The following NRXN1 variants were observed in gnomAD, a reference collection of about 807,000 sequenced individuals.
The protein encoded by NRXN1 is neurexin 1.
NRXN1 carries 39 observed loss-of-function variants against 150.9 expected under a neutral mutation model. The observed-to-expected ratio is 0.26, with a 90% CI of 0.20 to 0.34. NRXN1 has a LOEUF of 0.34. Ranked by LOEUF, NRXN1 falls within the 10% of genes least tolerant of loss-of-function variation. The pLI, the probability that NRXN1 is intolerant of heterozygous loss-of-function variation, is 1.00. For synonymous variants in NRXN1, 924 were observed against 757.0 expected, an observed-to-expected ratio of 1.22 and a Z score of -3.62; for missense variants, 1,815 against 1,949.9, an observed-to-expected ratio of 0.93 and a Z score of 1.30.
intron 2 of NRXN1, among the ~76,000 whole-genome samples, chr2:50,961,727 C>T (rs1693226163): frequency 6.6e-6 from 1 of 151,762 alleles, no homozygotes; most frequent in Non-Finnish European, 1.5e-5. Flanking sequence ...CTCTCTGCTT[C>T]TGGCCCAAAA....
intron 2 of NRXN1, among the ~76,000 whole-genome samples, chr2:50,983,493 T>C (rs774570697): frequency 3.9e-5 from 6 of 152,104 alleles, no homozygotes; most frequent in Non-Finnish European, 8.8e-5. Context: ...CTTTTCTTAC[T>C]ATAAAAGAAC....
At chr2:50,811,929 A>C (rs1668267845) in intron 5 of NRXN1, among the ~76,000 whole-genome samples, 1 of 152,170 alleles carries the variant, frequency 6.6e-6, no homozygotes, top group South Asian at 2.1e-4. Flanking sequence ...AGATTTTGGT[A>C]CAATATTTAA....
At chr2:50,573,717 C>T (rs1670994516) in intron 8 of NRXN1, among the ~76,000 whole-genome samples, 1 of 149,900 alleles carries the variant, frequency 6.7e-6, no homozygotes, top group South Asian at 2.1e-4. Flanking sequence ...ATAGATTCTG[C>T]CAACAGCGGA....
In NRXN1 at chr2:50,963,866, A is replaced by G. The variant is rs144944746; in HGVS notation, c.773-37911T>C. Reference sequence around the variant, plus strand: ...TGCTTCTTTCAATTTAGCATACACAATGTTCTGAAAATAGCCAACTCAATA... The same window carrying G: ...TGCTTCTTTCAATTTAGCATACACAGTGTTCTGAAAATAGCCAACTCAATA... On this transcript the variant is annotated intron_variant, in intron 2 of 22. Transcript: ENST00000401669. 60 of 325,120 alleles carry G rather than the reference A, an allele frequency of 1.8e-4. 1 individual carries two copies. Among genetic ancestry groups the G allele is most frequent in the African/African-American group, 1.2e-3 (56 of 46,452 alleles). 20.1% of individuals were successfully genotyped at this position (325,120 alleles called of 1,614,324 possible). A position where few individuals can be genotyped will look rare whatever the true frequency, so the allele number is the denominator to read the frequency against.
chr2:50,393,577 T>G (rs779862763), intron 17 of NRXN1, among the ~76,000 whole-genome samples: 5 of 152,160 alleles, frequency 3.3e-5, no homozygotes, highest in African/African-American at 1.2e-4. Context: ...AGTCTGGATT[T>G]TTTGAAAACT....
intron 5 of NRXN1, 99 bp from the exon 6 acceptor site, chr2:50,623,714 C>T: frequency 5.1e-6 from 4 of 789,394 alleles, no homozygotes; most frequent in Non-Finnish European, 6.0e-6. Context: ...CCAAATTAAC[C>T]TGCTTAATTA....
intron 5 of NRXN1, among the ~76,000 whole-genome samples, chr2:50,671,412 T>C (rs1410715897): frequency 6.6e-6 from 1 of 151,720 alleles, no homozygotes; most frequent in Non-Finnish European, 1.5e-5. Flanking sequence ...GGCAAAATTA[T>C]ATGATATAAT....
chr2:50,714,004 C>A (rs887740756), intron 5 of NRXN1, among the ~76,000 whole-genome samples: 1 of 152,140 alleles, frequency 6.6e-6, no homozygotes, highest in African/African-American at 2.4e-5. Context: ...GAGAGATAAG[C>A]AAGCTATATG....
At chr2:50,908,973 T>C (rs1266133822) in intron 5 of NRXN1, among the ~76,000 whole-genome samples, 2 of 152,084 alleles carry the variant, frequency 1.3e-5, no homozygotes, top group Non-Finnish European at 2.9e-5. Context: ...AATAAACTTA[T>C]TTTCTTTATA....
At chr2:50,638,937 T>C (rs1683630621) in intron 5 of NRXN1, among the ~76,000 whole-genome samples, 1 of 152,134 alleles carries the variant, frequency 6.6e-6, no homozygotes, top group Non-Finnish European at 1.5e-5. Context: ...CTCAGCTTTC[T>C]ACCCTCAATA....
chr2:50,723,679 C>T (rs1027239638), intron 5 of NRXN1, among the ~76,000 whole-genome samples: 16 of 152,286 alleles, frequency 1.1e-4, no homozygotes, highest in Admixed American at 9.1e-4. Context: ...AGATCAGTAC[C>T]TGAGATCATT....
At chr2:50,529,481 A>G (rs2093041874) in intron 11 of NRXN1, among the ~76,000 whole-genome samples, 1 of 152,208 alleles carries the variant, frequency 6.6e-6, no homozygotes, top group Non-Finnish European at 1.5e-5. Context: ...AACTGTAATT[A>G]TAGTGGTTAT....
At chr2:50,604,582 A>G (rs1347447312) in intron 8 of NRXN1, among the ~76,000 whole-genome samples, 1 of 151,942 alleles carries the variant, frequency 6.6e-6, no homozygotes, top group East Asian at 1.9e-4. Flanking sequence ...CTTTTCTCCA[A>G]CTTTTCCTGT....
chr2:50,662,631 T>A (rs1447391448), intron 5 of NRXN1, among the ~76,000 whole-genome samples: 8 of 151,980 alleles, frequency 5.3e-5, no homozygotes, highest in Non-Finnish European at 7.4e-5. Flanking sequence ...GTTGTTAGTA[T>A]ATTCTCTGTG....
intron 8 of NRXN1, among the ~76,000 whole-genome samples, chr2:50,594,867 G>T (rs923312561): frequency 3.9e-5 from 6 of 151,908 alleles, no homozygotes; most frequent in Non-Finnish European, 7.4e-5. Flanking sequence ...CTCTCATACT[G>T]CTCAGGGCTA....
chr2:50,630,687 G>A lies in NRXN1; in HGVS notation c.833-7072C>T, dbSNP rs556504004. ...CATACATATAATCCCAAATCACACA[G>A]GTTGGAAGGTTTTACTATAGTTATA... is the stretch of plus-strand genomic sequence containing the variant. On this transcript the variant is annotated intron_variant, in intron 5 of 22. Coordinates refer to ENST00000401669, the MANE Select transcript of NRXN1 (RefSeq NM_001330078.2). Among the ~76,000 whole-genome samples, 27 of 151,596 alleles carry A rather than the reference G, an allele frequency of 1.8e-4. No homozygotes were observed. In the South Asian group the frequency reaches 2.1e-3, roughly 12 times the overall value.
chr2:50,550,360 C>T (rs1029492056), intron 9 of NRXN1, among the ~76,000 whole-genome samples: 3 of 151,938 alleles, frequency 2.0e-5, no homozygotes, highest in Non-Finnish European at 4.4e-5. Flanking sequence ...CAGGTGTGAA[C>T]CACTATTTTT....
At chr2:50,855,546 G>A (rs1348870920) in intron 5 of NRXN1, among the ~76,000 whole-genome samples, 3 of 151,968 alleles carry the variant, frequency 2.0e-5, no homozygotes, top group South Asian at 2.1e-4. Flanking sequence ...TGGCCAAAAT[G>A]AAAGAATGTG....
intron 17 of NRXN1, among the ~76,000 whole-genome samples, chr2:50,330,303 C>A (rs1056087900): frequency 1.3e-5 from 2 of 152,136 alleles, no homozygotes; most frequent in African/African-American, 2.4e-5. Flanking sequence ...TTTTCCAAAT[C>A]TTCTATAGCG....
Sources: allele counts gnomAD v4.1 joint callset (sites outside exome capture counted in the v4.1 genomes callset), GRCh38; gene constraint gnomAD v4.1.1; transcripts MANE v1.5; gene names NCBI Gene and HGNC (gene_info 2026-07-23, HGNC 2026-07-21).